ZC3H18: variants seen among roughly 807,000 people sequenced by gnomAD.
ZC3H18 encodes the protein zinc finger CCCH domain-containing protein 18.
Under a neutral mutation model 106.1 loss-of-function variants are expected in ZC3H18, and 8 were observed. That is an observed-to-expected ratio of 0.08 (90% CI 0.04 to 0.14). The LOEUF (loss-of-function observed/expected upper bound fraction) is 0.14, where lower values mean the gene tolerates loss of function less well. Among genes scored for constraint, ZC3H18 ranks in the 10% least tolerant of loss-of-function variants. The pLI is 1.00. For missense variants in ZC3H18, 1,318 were observed against 1,278.4 expected (o/e 1.03, Z -0.47); for synonymous variants, 635 against 522.1 (o/e 1.22, Z -2.95).
chr16:88,600,476 A>G (rs898602969), intron 6 of ZC3H18, among the ~76,000 whole-genome samples: 2 of 152,000 alleles, frequency 1.3e-5, no homozygotes, highest in African/African-American at 4.8e-5. Context: ...GCAGTTGCGC[A>G]ATCTTGGCTC....
intron 6 of ZC3H18, among the ~76,000 whole-genome samples, chr16:88,607,082 C>G (rs78416628): frequency 6.6e-6 from 1 of 152,188 alleles, no homozygotes; most frequent in African/African-American, 2.4e-5. Flanking sequence ...AGGCCCCCCC[C>G]AACCCTGTGC....
At chr16:88,586,922 T>C (rs1346816200) in intron 3 of ZC3H18, among the ~76,000 whole-genome samples, 1 of 152,132 alleles carries the variant, frequency 6.6e-6, no homozygotes, top group East Asian at 1.9e-4. Flanking sequence ...GCCTGGTCAT[T>C]CTCATTCTCA....
In ZC3H18 at chr16:88,628,023, C is replaced by A. The variant is rs1216459015; in HGVS notation, c.2373C>A (p.Ser791=). Residue 791 remains serine (S), a synonymous_variant, in exon 15 of 18, where the codon TCC becomes TCA. Coordinates refer to ENST00000301011, the MANE Select transcript of ZC3H18 (RefSeq NM_144604.4). ...SAKPPAGGKS[S]QQPSTPQQAP... is the part of the protein sequence containing the mutation. ...AACCTCCAGCAGGGGGGAAGTCCTC[C>A]CAGCAGCCCTCGACACCCCAGCAGG... 1.2e-6 allele frequency: 2 copies of A among 1,614,168 alleles called. No homozygotes were observed. Among genetic ancestry groups the A allele is most frequent in the Middle Eastern group, 3.3e-4 (2 of 6,062 alleles).
chr16:88,620,401 C>T (rs1329948667), intron 8 of ZC3H18, among the ~76,000 whole-genome samples: 1 of 152,044 alleles, frequency 6.6e-6, no homozygotes, highest in Non-Finnish European at 1.5e-5. Flanking sequence ...CCAGCCTGGG[C>T]AACATAGGGA....
chr16:88,621,592 A>C (rs1597356551), intron 8 of ZC3H18, among the ~76,000 whole-genome samples: 1 of 151,646 alleles, frequency 6.6e-6, no homozygotes, highest in South Asian at 2.1e-4. Flanking sequence ...TCCTGACCTC[A>C]TGATCCGCCC....
intron 1 of ZC3H18, among the ~76,000 whole-genome samples, chr16:88,576,364 C>T (rs377170283): frequency 7.2e-5 from 11 of 152,140 alleles, no homozygotes; most frequent in African/African-American, 2.4e-4. Flanking sequence ...TACATACGCG[C>T]GGTACTTAAG....
chr16:88,598,629 G>T lies in ZC3H18; in HGVS notation c.847G>T (p.Val283Leu). 6.2e-7 allele frequency: 1 copy of T among 1,610,414 alleles called. No homozygotes were observed. Residue 283 changes from valine to leucine, a missense_variant, in exon 5 of 18, where the codon GTA becomes TTA. This residue lies in a region of ZC3H18 where 78 missense variants were observed against 67.3 expected (regional missense o/e 1.16). Coordinates refer to ENST00000301011, the MANE Select transcript of ZC3H18 (RefSeq NM_144604.4). Reference sequence around the variant, plus strand: ...TCTCGTTTTTCAATAGGGTGGGCCGGTAGTTGATGAAATTTTGCCTCCACC... The same window carrying T: ...TCTCGTTTTTCAATAGGGTGGGCCGTTAGTTGATGAAATTTTGCCTCCACC... ...LMPANPWGGP[V>L]VDEILPPPPP...
At chr16:88,589,827 G>T (rs1915638075) in intron 3 of ZC3H18, among the ~76,000 whole-genome samples, 1 of 152,240 alleles carries the variant, frequency 6.6e-6, no homozygotes, top group Admixed American at 6.5e-5. Context: ...TAGCTAGTGA[G>T]TACAGGATTT....
intron 2 of ZC3H18, among the ~76,000 whole-genome samples, chr16:88,581,144 T>C (rs1484850414): frequency 2.6e-5 from 4 of 152,192 alleles, no homozygotes; most frequent in Non-Finnish European, 5.9e-5. Flanking sequence ...TCTCTTTTTC[T>C]TAGTTTTGAT....
At chr16:88,580,150 GT>G (rs1915019411) in intron 2 of ZC3H18, among the ~76,000 whole-genome samples, 1 of 146,372 alleles carries the variant, frequency 6.8e-6, no homozygotes, top group Non-Finnish European at 1.5e-5. Flanking sequence ...CGTGACACAG[GT>G]TCATCTGTGT....
rs1031648789 is a variant in ZC3H18, at chr16:88,583,360, G to A, written c.604-3240G>A. ...TTCCTTTGAAATGGAGGACTCAGGC[G>A]CGCTTGCTGAGCACTTGCTGCTCAT... On this transcript the variant is annotated intron_variant, in intron 2 of 17. Transcript: ENST00000301011. 2.6e-5 allele frequency among the ~76,000 whole-genome samples: 4 copies of A among 152,226 alleles called. No homozygotes were observed. The South Asian group carries it at 8.3e-4, about 31-fold the overall frequency.
chr16:88,625,353 C>A, intron 13 of ZC3H18, 86 bp downstream of exon 13: 5 of 1,507,874 alleles, frequency 3.3e-6, no homozygotes, highest in Non-Finnish European at 4.5e-6. Flanking sequence ...GTTGGGCTGT[C>A]TCCCACAGGT....
chr16:88,587,319 G>C (rs573182400), intron 3 of ZC3H18, among the ~76,000 whole-genome samples: 2 of 152,196 alleles, frequency 1.3e-5, no homozygotes, highest in Non-Finnish European at 2.9e-5. Flanking sequence ...TTAATGTCTT[G>C]GGGGATTCGG....
chr16:88,631,812 CTT>C lies in ZC3H18; in HGVS notation c.*516_*517del, dbSNP rs1906712148. On this transcript the variant is annotated 3_prime_UTR_variant, in exon 18 of 18. Coordinates refer to ENST00000301011, the MANE Select transcript of ZC3H18 (RefSeq NM_144604.4). ...AGTCTCATCAGGAAATATTTCCTGT[CTT>C]TTATTTTAAGCATCAAATTGTTTTA... The C allele has an allele frequency of 1.0e-5, 3 of 291,698 alleles. No homozygotes were observed. The highest frequency in any genetic ancestry group is 2.0e-5 in the Non-Finnish European group (3 of 147,306). The allele number at this position is 291,698 out of a possible 1,614,324, so 18.1% of individuals were successfully genotyped here.
chr16:88,628,718 C>T (rs769041756), intron 15 of ZC3H18, 40 bp from the exon 16 acceptor site: 1 of 1,609,516 alleles, frequency 6.2e-7, no homozygotes, highest in Non-Finnish European at 8.5e-7. Flanking sequence ...GCTTCTGGCT[C>T]CTGGCCCTGC....
Position 88,622,225 on chromosome 16 carries a change from G to A in ZC3H18, c.1504G>A (p.Ala502Thr), listed in dbSNP as rs1597357019. Residue 502 changes from alanine (A) to threonine (T), a missense_variant, in exon 9 of 18, where the codon GCT (alanine) becomes ACT (threonine). Coordinates refer to ENST00000301011, the MANE Select transcript of ZC3H18 (RefSeq NM_144604.4). ...SRQAEPPKKE[A>T]ATTGPQVKRA... ...CCAAGCTGAGCCACCAAAGAAGGAG[G>A]CTGCCACCACGGGGCCGCAGGTGAA... is the stretch of plus-strand genomic sequence containing the variant. 1.9e-6 allele frequency: 3 copies of A among 1,611,052 alleles called. No individual in the cohort carries two copies. Among genetic ancestry groups the A allele is most frequent in the Non-Finnish European group, 2.5e-6 (3 of 1,177,902 alleles).
intron 3 of ZC3H18, chr16:88,587,501 C>T: frequency 6.7e-7 from 1 of 1,499,756 alleles, no homozygotes; most frequent in Non-Finnish European, 9.0e-7. Flanking sequence ...CCTGTGTGTG[C>T]CATCTAAAGC....
intron 1 of ZC3H18, among the ~76,000 whole-genome samples, chr16:88,573,058 A>G (rs1280692738): frequency 6.6e-6 from 1 of 152,042 alleles, no homozygotes; most frequent in Non-Finnish European, 1.5e-5. Context: ...CACCCAGCCA[A>G]TTGTGTGATT....
At chr16:88,572,634 T>G (rs1471547745) in intron 1 of ZC3H18, among the ~76,000 whole-genome samples, 1 of 152,080 alleles carries the variant, frequency 6.6e-6, no homozygotes, top group Non-Finnish European at 1.5e-5. Context: ...ATAGATAGTG[T>G]AAGAAGACCA....
Sources: gnomAD v4.1 joint callset for allele counts (sites outside exome capture counted in the v4.1 genomes callset) on GRCh38, gnomAD v4.1.1 for gene constraint, gnomAD v4.1.1 regional missense constraint, MANE v1.5 for transcripts, NCBI Gene and HGNC (gene_info 2026-07-23, HGNC 2026-07-21) for gene names.